AGO2: variants seen among roughly 807,000 people sequenced by gnomAD.
AGO2 encodes the protein protein argonaute-2.
A neutral mutation model predicts 102.3 loss-of-function variants in AGO2; 5 were observed. That is an observed-to-expected ratio of 0.05 (90% CI 0.03 to 0.10). The LOEUF is 0.10. Ranked by LOEUF, AGO2 falls within the 10% of genes least tolerant of loss-of-function variation. The probability of loss-of-function intolerance (pLI) is 1.00; values close to 1 mark genes in which losing one functional copy is unlikely to be tolerated. For missense variants in AGO2, 541 were observed against 1,183.7 expected, an observed-to-expected ratio of 0.46 and a Z score of 7.97; for synonymous variants, 449 against 473.1, an observed-to-expected ratio of 0.95 and a Z score of 0.66.
intron 3 of AGO2, 40 bp downstream of exon 3, chr8:140,572,772 A>G: frequency 6.3e-7 from 1 of 1,594,056 alleles, no homozygotes; most frequent in East Asian, 2.2e-5. Flanking sequence ...GCTTTACTTC[A>G]CCGTATGTTA....
chr8:140,635,272 C>A (rs1416941489), intron 1 of AGO2, among the ~76,000 whole-genome samples: 1 of 145,890 alleles, frequency 6.9e-6, no homozygotes, highest in African/African-American at 2.5e-5. Flanking sequence ...CGGGGCTGCG[C>A]GTCCAACGCG....
chr8:140,596,086 C>T (rs565550424), intron 1 of AGO2, among the ~76,000 whole-genome samples: 10 of 147,222 alleles, frequency 6.8e-5, no homozygotes, highest in African/African-American at 2.3e-4. Flanking sequence ...TGGGTTCAAG[C>T]GATCCTCCTG....
chr8:140,607,247 T>TA (rs2074009535), intron 1 of AGO2, among the ~76,000 whole-genome samples: 2 of 150,002 alleles, frequency 1.3e-5, no homozygotes, highest in African/African-American at 4.9e-5. Context: ...GAAACTCCAT[T>TA]TAAAAAAAAA....
At chr8:140,603,967 G>A (rs2073962313) in intron 1 of AGO2, among the ~76,000 whole-genome samples, 2 of 152,262 alleles carry the variant, frequency 1.3e-5, no homozygotes, top group African/African-American at 2.4e-5. Flanking sequence ...GGGATGAGCT[G>A]CCCCTCCCTC....
chr8:140,641,728 C>T, the AGO2 span, among the ~76,000 whole-genome samples: 5 of 152,176 alleles, frequency 3.3e-5, no homozygotes, highest in East Asian at 3.9e-4. Flanking sequence ...GGATTGCAGG[C>T]GTGCACAACC....
chr8:140,565,074 C>T (rs1430253334), intron 3 of AGO2, among the ~76,000 whole-genome samples: 2 of 151,914 alleles, frequency 1.3e-5, no homozygotes, highest in Non-Finnish European at 2.9e-5. Context: ...GCAGAGGTTG[C>T]AGTGAGCCGA....
At chr8:140,635,913 C>T (rs1311505014), upstream of AGO2, among the ~76,000 whole-genome samples, 1 of 148,084 alleles carries the variant, frequency 6.8e-6, no homozygotes, top group African/African-American at 2.5e-5. Flanking sequence ...CCGAGGGCGG[C>T]GCGGCCCGTG....
rs78254118 is a variant in AGO2, at chr8:140,530,309, G to C, written c.*1735C>G. ...CTCCAAAGCAGCTGAGCACAAAGGTGGGGGGGGGGGTGCCGCTGAGCAGGA... is the reference window on the plus strand; with the variant it reads ...CTCCAAAGCAGCTGAGCACAAAGGTCGGGGGGGGGGTGCCGCTGAGCAGGA... On this transcript the variant is annotated 3_prime_UTR_variant, in exon 19 of 19. Coordinates refer to ENST00000220592, the MANE Select transcript of AGO2 (RefSeq NM_012154.5). 3 of 56,010 alleles carry C rather than the reference G, an allele frequency of 5.4e-5. No individual in the cohort carries two copies. Among genetic ancestry groups the C allele is most frequent in the Admixed American group, 1.6e-4 (1 of 6,088 alleles). The allele number at this position is 56,010 out of a possible 1,614,324, so 3.5% of individuals were successfully genotyped here. A position where few individuals can be genotyped will look rare whatever the true frequency, so the allele number is the denominator to read the frequency against.
intron 1 of AGO2, among the ~76,000 whole-genome samples, chr8:140,600,638 C>T (rs1475597510): frequency 6.6e-6 from 1 of 151,892 alleles, no homozygotes; most frequent in Non-Finnish European, 1.5e-5. Context: ...CGAGATTGCA[C>T]CACTGCACTC....
rs77886172 is a variant in AGO2 at position 140,540,383 on chromosome 8, C to T, written c.2034+781G>A. Among the ~76,000 whole-genome samples, 436 of 152,288 alleles carry T rather than the reference C, an allele frequency of 2.9e-3. 13 individuals carry two copies. In the East Asian group the frequency reaches 0.058, roughly 20 times the overall value. ...GGCTCCTCCCCCAACATGCCTGGGG[C>T]CGCTTTCTTCTGCTTTTCTTGCTAA... On this transcript the variant is annotated intron_variant, in intron 15 of 18. Transcript: ENST00000220592. This position sits in a 1 kb window ranked among gnomAD's most constrained non-coding sequence, Gnocchi z 5.0.
At chr8:140,583,734 G>A (rs2073597033) in intron 2 of AGO2, among the ~76,000 whole-genome samples, 2 of 152,166 alleles carry the variant, frequency 1.3e-5, no homozygotes, top group South Asian at 4.1e-4. Flanking sequence ...AATTAGCCAG[G>A]TGTGGTGGCA....
upstream of AGO2, among the ~76,000 whole-genome samples, chr8:140,636,080 G>T (rs1588525522): frequency 1.3e-5 from 2 of 151,486 alleles, no homozygotes; most frequent in South Asian, 4.2e-4. Flanking sequence ...GGTGGGGGGC[G>T]CAGAACCCTC....
intron 12 of AGO2, among the ~76,000 whole-genome samples, chr8:140,548,150 T>C (rs2072934306): frequency 6.6e-6 from 1 of 151,994 alleles, no homozygotes; most frequent in Non-Finnish European, 1.5e-5. Context: ...ACCCTGTCTC[T>C]ACTAATAATA....
At chr8:140,585,050 G>T in intron 2 of AGO2, 69 bp downstream of exon 2, 2 of 1,416,842 alleles carry the variant, frequency 1.4e-6, no homozygotes, top group Non-Finnish European at 1.9e-6. Context: ...TTTCAGAGTT[G>T]ATTAGTTTAA....
chr8:140,596,859 C>T (rs546517034), intron 1 of AGO2, among the ~76,000 whole-genome samples: 1 of 152,268 alleles, frequency 6.6e-6, no homozygotes, highest in East Asian at 1.9e-4. Context: ...GCTGCTGTGT[C>T]GTCGTGACCG....
At chr8:140,596,965 T>C (rs2073854727) in intron 1 of AGO2, among the ~76,000 whole-genome samples, 1 of 152,066 alleles carries the variant, frequency 6.6e-6, no homozygotes, top group African/African-American at 2.4e-5. Context: ...CCAGCCAAGG[T>C]GCAGACAGGC....
intron 8 of AGO2, among the ~76,000 whole-genome samples, chr8:140,556,849 C>A (rs112968360): frequency 2.0e-5 from 3 of 152,262 alleles, no homozygotes; most frequent in African/African-American, 7.2e-5. Flanking sequence ...CTGCTGGACA[C>A]GTTACACACA....
rs928535911 is a variant in AGO2, at chr8:140,529,242, G to A, written c.*2802C>T. On this transcript the variant is annotated 3_prime_UTR_variant, in exon 19 of 19. Coordinates refer to ENST00000220592, the MANE Select transcript of AGO2 (RefSeq NM_012154.5). ...AAGGCCCCAGGCACCCACATGATCAGACGATCAGATGCCGGGGAAGGGCCA... is the reference window on the plus strand; with the variant it reads ...AAGGCCCCAGGCACCCACATGATCAAACGATCAGATGCCGGGGAAGGGCCA... 6.6e-6 allele frequency: 1 copy of A among 152,252 alleles called. No individual in the cohort carries two copies. Among genetic ancestry groups the A allele is most frequent in the East Asian group, 1.9e-4 (1 of 5,194 alleles). The allele number at this position is 152,252 out of a possible 1,614,324, so 9.4% of individuals were successfully genotyped here. A position where few individuals can be genotyped will look rare whatever the true frequency, so the allele number is the denominator to read the frequency against.
In AGO2 at chr8:140,526,766, A is replaced by G. The variant is rs1410837194; in HGVS notation, c.*5278T>C. 1 of 152,228 alleles carries G rather than the reference A, an allele frequency of 6.6e-6. No homozygotes were observed. The highest frequency in any genetic ancestry group is 1.5e-5 in the Non-Finnish European group (1 of 68,052). 9.4% of individuals were successfully genotyped at this position (152,228 alleles called of 1,614,324 possible). ...CATGGCAAAACATACTGAAAGAAGC[A>G]TAAGCGAGGGCACCGTAATGGCACT... On this transcript the variant is annotated 3_prime_UTR_variant, in exon 19 of 19. Transcript: ENST00000220592. The surrounding 1 kb of genome is among the most constrained non-coding windows in gnomAD (Gnocchi z 5.2).
Sources: allele counts gnomAD v4.1 joint callset (sites outside exome capture counted in the v4.1 genomes callset), GRCh38; gene constraint gnomAD v4.1.1; non-coding constraint Gnocchi (gnomAD v3.1); transcripts MANE v1.5; gene names NCBI Gene and HGNC (gene_info 2026-07-23, HGNC 2026-07-21).